PTPRD: variants seen among roughly 807,000 people sequenced by gnomAD.
PTPRD encodes the protein receptor-type tyrosine-protein phosphatase delta.
A neutral mutation model predicts 214.5 loss-of-function variants in PTPRD; 34 were observed. The ratio of observed to expected loss-of-function variants is 0.16; its 90% CI spans 0.12 to 0.21. The LOEUF (loss-of-function observed/expected upper bound fraction) is 0.21. Among genes scored for constraint, PTPRD ranks in the 10% least tolerant of loss-of-function variants. The pLI, the probability that PTPRD is intolerant of heterozygous loss-of-function variation, is 1.00. For synonymous variants in PTPRD, 1,128 were observed against 845.7 expected, an observed-to-expected ratio of 1.33 and a Z score of -5.79; for missense variants, 2,545 against 2,398.7, an observed-to-expected ratio of 1.06 and a Z score of -1.27.
At chr9:8,322,251 G>A (rs1829133654) in intron 44 of PTPRD, among the ~76,000 whole-genome samples, 1 of 152,106 alleles carries the variant, frequency 6.6e-6, no homozygotes, top group South Asian at 2.1e-4. Context: ...CAAGTGAAAG[G>A]GAGAGTCGCG....
intron 31 of PTPRD, among the ~76,000 whole-genome samples, chr9:8,470,585 A>G (rs1032724338): frequency 7.2e-5 from 11 of 152,082 alleles, no homozygotes; most frequent in African/African-American, 2.7e-4. Context: ...GGTCAAATGA[A>G]CTCTGCTGCA....
intron 14 of PTPRD, among the ~76,000 whole-genome samples, chr9:8,606,003 C>G (rs940804194): frequency 3.9e-5 from 6 of 151,998 alleles, no homozygotes; most frequent in African/African-American, 1.5e-4. Context: ...ACATCGTATA[C>G]TATATCATCC....
chr9:8,775,221 C>T (rs2095422339), intron 11 of PTPRD, among the ~76,000 whole-genome samples: 1 of 152,088 alleles, frequency 6.6e-6, no homozygotes, highest in South Asian at 2.1e-4. Flanking sequence ...TTAAAAACAA[C>T]ATTTCAGGGG....
intron 2 of PTPRD, among the ~76,000 whole-genome samples, chr9:10,431,077 C>T (rs1351268713): frequency 6.6e-6 from 1 of 151,970 alleles, no homozygotes; most frequent in African/African-American, 2.4e-5. Flanking sequence ...CTTGAAATCA[C>T]AGACAATGCA....
At position 10,266,293 on chromosome 9, in the gene PTPRD, T is replaced by A. The variant is rs1188692717; in HGVS notation, c.-545+74670A>T. On this transcript the variant is annotated intron_variant, in intron 3 of 45. Transcript: ENST00000381196. ...TAGCCCTTGAAAATGAAAAAAAAAA[T>A]TGCAAGTATCTTAGTATGTGTATTA... 2.4e-4 allele frequency among the ~76,000 whole-genome samples: 37 copies of A among 151,926 alleles called. 2 individuals are homozygous for A. Among genetic ancestry groups the A allele is most frequent in the Admixed American group, 2.4e-3 (36 of 15,244 alleles).
chr9:10,154,785 T>A (rs1235585390), intron 3 of PTPRD, among the ~76,000 whole-genome samples: 1 of 152,080 alleles, frequency 6.6e-6, no homozygotes, highest in South Asian at 2.1e-4. Flanking sequence ...CTAGGATCTC[T>A]ATACTGTTTC....
At chr9:8,621,782 A>G (rs944757456) in intron 14 of PTPRD, among the ~76,000 whole-genome samples, 3 of 151,952 alleles carry the variant, frequency 2.0e-5, no homozygotes, top group African/African-American at 4.8e-5. Context: ...ATCTATCATC[A>G]TAAGTTATAA....
At chr9:8,320,229 C>G (rs1434271741) in intron 44 of PTPRD, among the ~76,000 whole-genome samples, 3 of 151,708 alleles carry the variant, frequency 2.0e-5, no homozygotes, top group African/African-American at 7.3e-5. Flanking sequence ...TTAGAAAGAC[C>G]AAGGAAACAT....
At chr9:8,982,866 C>T (rs12555539) in intron 11 of PTPRD, among the ~76,000 whole-genome samples, 6,359 of 152,066 alleles carry the variant, frequency 0.042, 445 homozygotes, top group East Asian at 0.25. Context: ...ATGTAAATCA[C>T]TACCCAGCAA....
chr9:8,530,249 T>C (rs552714191), intron 14 of PTPRD, among the ~76,000 whole-genome samples: 11 of 152,142 alleles, frequency 7.2e-5, no homozygotes, highest in African/African-American at 2.6e-4. Flanking sequence ...CTCAGTCTCC[T>C]AAACCTCACT....
At chr9:9,421,294 AAT>A (rs1491524096) in intron 8 of PTPRD, among the ~76,000 whole-genome samples, 2 of 142,020 alleles carry the variant, frequency 1.4e-5, no homozygotes, top group African/African-American at 2.6e-5. Context: ...AAAAAAAAAA[AAT>A]TATACCAGTG....
At chr9:10,197,730 C>T (rs927244064) in intron 3 of PTPRD, among the ~76,000 whole-genome samples, 10 of 151,996 alleles carry the variant, frequency 6.6e-5, no homozygotes, top group Admixed American at 4.6e-4. Flanking sequence ...TAGGGGAAGG[C>T]TGAGATATGC....
intron 2 of PTPRD, among the ~76,000 whole-genome samples, chr9:10,568,305 T>C (rs1442511150): frequency 1.3e-5 from 2 of 152,144 alleles, no homozygotes; most frequent in East Asian, 1.9e-4. Context: ...CTCATCATTT[T>C]TTATGGCTGC....
At chr9:9,505,652 A>T (rs774798110) in intron 8 of PTPRD, among the ~76,000 whole-genome samples, 2 of 151,570 alleles carry the variant, frequency 1.3e-5, no homozygotes, top group Admixed American at 6.6e-5. Context: ...GGTTTCATCT[A>T]GGCATGCTCA....
At chr9:8,550,981 G>C (rs185156486) in intron 14 of PTPRD, among the ~76,000 whole-genome samples, 36 of 152,310 alleles carry the variant, frequency 2.4e-4, no homozygotes, top group African/African-American at 8.2e-4. Flanking sequence ...TAGCATCCCA[G>C]TTCTGCAGTG....
intron 11 of PTPRD, among the ~76,000 whole-genome samples, chr9:8,749,727 T>A (rs2093325052): frequency 6.6e-6 from 1 of 152,206 alleles, no homozygotes; most frequent in Non-Finnish European, 1.5e-5. Context: ...AAAAATGAAT[T>A]CCTTCATTCT....
intron 9 of PTPRD, among the ~76,000 whole-genome samples, chr9:9,255,674 C>T (rs892424871): frequency 1.3e-5 from 2 of 151,984 alleles, no homozygotes; most frequent in African/African-American, 2.4e-5. Flanking sequence ...ACAGATACTA[C>T]AAAATACTGC....
intron 10 of PTPRD, among the ~76,000 whole-genome samples, chr9:9,081,331 C>A (rs1591270664): frequency 1.3e-5 from 2 of 152,116 alleles, no homozygotes; most frequent in East Asian, 3.8e-4. Flanking sequence ...ATCTTGAGTT[C>A]TAATTTGATT....
At chr9:8,576,841 T>C (rs1281559235) in intron 14 of PTPRD, among the ~76,000 whole-genome samples, 1 of 152,150 alleles carries the variant, frequency 6.6e-6, no homozygotes, top group African/African-American at 2.4e-5. Context: ...GCATCTTTGG[T>C]GACTCTCTTC....
Sources: allele counts gnomAD v4.1 joint callset (sites outside exome capture counted in the v4.1 genomes callset), GRCh38; gene constraint gnomAD v4.1.1; transcripts MANE v1.5; gene names NCBI Gene and HGNC (gene_info 2026-07-23, HGNC 2026-07-21).